Variants in RERG observed in about 807,000 individuals in gnomAD.
RERG encodes ras-related and estrogen-regulated growth inhibitor.
A neutral mutation model predicts 23.2 loss-of-function variants in RERG; 25 were observed. The ratio of observed to expected loss-of-function variants is 1.08; its 90% CI spans 0.79 to 1.50. RERG has a LOEUF of 1.50. RERG is among the 40% of genes most tolerant of loss of function. The pLI is 0.00. For synonymous variants in RERG, 81 were observed against 89.1 expected (o/e 0.91, Z 0.51); for missense variants, 253 against 250.1 (o/e 1.01, Z -0.08).
At chr12:15,145,776 C>T (rs190046794) in intron 2 of RERG, among the ~76,000 whole-genome samples, 3 of 152,256 alleles carry the variant, frequency 2.0e-5, no homozygotes, top group East Asian at 3.9e-4. Flanking sequence ...CTGAATTGGC[C>T]GTAAACCCAC....
chr12:15,140,129 A>C (rs1864211911), intron 2 of RERG, among the ~76,000 whole-genome samples: 2 of 152,164 alleles, frequency 1.3e-5, no homozygotes, highest in Admixed American at 1.3e-4. Context: ...TAATATATGA[A>C]AATCCTAACC....
intron 2 of RERG, among the ~76,000 whole-genome samples, chr12:15,175,367 GTGT>G (rs1864835755): frequency 1.3e-5 from 2 of 150,218 alleles, no homozygotes; most frequent in Non-Finnish European, 3.0e-5. Context: ...GTGTGTGTGT[GTGT>G]GTGTGTGTGT....
chr12:15,109,371 G>T lies in RERG; in HGVS notation c.339C>A (p.Leu113=), dbSNP rs150183934. The change falls in exon 5 of 5, where the codon CTC becomes CTA. Residue 113 remains leucine, a synonymous_variant. Transcript: ENST00000256953. ...AGTCAGCTTTGTTTCCAACCAAGATGAGAGTCACATTCTTGGGCTTTTTGA... is the reference window on the plus strand; with the variant it reads ...AGTCAGCTTTGTTTCCAACCAAGATTAGAGTCACATTCTTGGGCTTTTTGA... ...DEIKKPKNVT[L]ILVGNKADLD... The T allele has an allele frequency of 6.2e-7, 1 of 1,614,060 alleles. No individual in the cohort carries two copies. Among genetic ancestry groups the T allele is most frequent in the Non-Finnish European group, 8.5e-7 (1 of 1,180,008 alleles).
chr12:15,149,063 G>A (rs1026996559), intron 2 of RERG, among the ~76,000 whole-genome samples: 1 of 151,252 alleles, frequency 6.6e-6, no homozygotes, highest in African/African-American at 2.4e-5. Context: ...TAGAGACGGG[G>A]TTTCACTGTA....
At chr12:15,149,425 CCAGTGCTAGGCACTGGTGGGAG>C (rs1864400218) in intron 2 of RERG, among the ~76,000 whole-genome samples, 2 of 152,018 alleles carry the variant, frequency 1.3e-5, no homozygotes, top group African/African-American at 4.8e-5. Flanking sequence ...AAAGAAAACA[CCAGTGCTAGGCACTGGTGGGAG>C]GGGAGGTGGA....
chr12:15,124,651 A>G (rs1276181940), intron 2 of RERG, among the ~76,000 whole-genome samples: 1 of 152,070 alleles, frequency 6.6e-6, no homozygotes. Context: ...CCCCAGGCAT[A>G]CAGCTATTGC....
At chr12:15,166,465 A>G (rs889138375) in intron 2 of RERG, among the ~76,000 whole-genome samples, 1 of 151,672 alleles carries the variant, frequency 6.6e-6, no homozygotes, top group Non-Finnish European at 1.5e-5. Flanking sequence ...CTTCAGTCTC[A>G]TGATAATTGA....
chr12:15,136,516 C>T (rs1002835605), intron 2 of RERG, among the ~76,000 whole-genome samples: 1 of 151,850 alleles, frequency 6.6e-6, no homozygotes, highest in Non-Finnish European at 1.5e-5. Flanking sequence ...TCTTTATTCC[C>T]TTTTAATACA....
chr12:15,187,344 A>T (rs567401552), intron 2 of RERG, among the ~76,000 whole-genome samples: 117 of 152,226 alleles, frequency 7.7e-4, no homozygotes, highest in African/African-American at 2.7e-3. Context: ...TATTAATACA[A>T]ACTAAATGTG....
intron 2 of RERG, among the ~76,000 whole-genome samples, chr12:15,143,642 T>C (rs1864279216): frequency 1.3e-5 from 2 of 152,142 alleles, no homozygotes; most frequent in Non-Finnish European, 2.9e-5. Flanking sequence ...GTCCTAGAGA[T>C]GTAAACAGAT....
intron 2 of RERG, among the ~76,000 whole-genome samples, chr12:15,211,137 A>G (rs1865359992): frequency 6.6e-6 from 1 of 152,098 alleles, no homozygotes; most frequent in African/African-American, 2.4e-5. Flanking sequence ...TCTTACCTTG[A>G]TTAATGTTTT....
Position 15,176,248 on chromosome 12 carries a change from T to C in RERG, c.61+41181A>G, listed in dbSNP as rs573849521. Among the ~76,000 whole-genome samples, 5 of 152,314 alleles carry C rather than the reference T, an allele frequency of 3.3e-5. No individual in the cohort carries two copies. The East Asian group carries it at 9.6e-4, about 29-fold the overall frequency. ...TTCATCTTTATTTTCAACTGTTTTA[T>C]TTAGGCAATTGCATATTGTAGTTCA... On this transcript the variant is annotated intron_variant, in intron 2 of 4. Coordinates refer to ENST00000256953, the MANE Select transcript of RERG (RefSeq NM_032918.3).
intron 2 of RERG, among the ~76,000 whole-genome samples, chr12:15,195,566 T>C (rs1284141602): frequency 8.3e-6 from 1 of 120,298 alleles, no homozygotes; most frequent in Non-Finnish European, 1.8e-5. Context: ...TGTGTGTGTG[T>C]GTGTGTGTGT....
chr12:15,110,473 T>TTTTTTC (rs1591630469), intron 4 of RERG, among the ~76,000 whole-genome samples: 1 of 122,180 alleles, frequency 8.2e-6, no homozygotes, highest in East Asian at 2.3e-4. Context: ...CTTTTTTTTT[T>TTTTTTC]TTTTTTTTTT....
chr12:15,162,148 C>T (rs1217349669), intron 2 of RERG, among the ~76,000 whole-genome samples: 1 of 152,136 alleles, frequency 6.6e-6, no homozygotes, highest in Non-Finnish European at 1.5e-5. Context: ...AATACTTACA[C>T]AGAACAAGAG....
At chr12:15,117,915 G>A (rs1165156404) in intron 3 of RERG, among the ~76,000 whole-genome samples, 1 of 152,114 alleles carries the variant, frequency 6.6e-6, no homozygotes, top group African/African-American at 2.4e-5. Context: ...CACATCTTAT[G>A]AGCTTCAGTG....
At chr12:15,124,349 AT>A (rs1591636842) in intron 2 of RERG, among the ~76,000 whole-genome samples, 1 of 152,082 alleles carries the variant, frequency 6.6e-6, no homozygotes, top group East Asian at 1.9e-4. Context: ...TAAAATGAAA[AT>A]TAATTAGGTA....
intron 1 of RERG, among the ~76,000 whole-genome samples, chr12:15,218,505 A>ATGCC (rs901712498): frequency 6.6e-6 from 1 of 152,066 alleles, no homozygotes; most frequent in African/African-American, 2.4e-5. Context: ...TCCATATTCC[A>ATGCC]TGCCTGACTT....
chr12:15,212,249 C>T (rs936540848), intron 2 of RERG, among the ~76,000 whole-genome samples: 5 of 148,782 alleles, frequency 3.4e-5, no homozygotes, highest in Admixed American at 6.7e-5. Flanking sequence ...TTAGTAGAGA[C>T]GGGGTTTCAC....
Sources: gnomAD v4.1 joint callset for allele counts (sites outside exome capture counted in the v4.1 genomes callset) on GRCh38, gnomAD v4.1.1 for gene constraint, MANE v1.5 for transcripts, NCBI Gene and HGNC (gene_info 2026-07-23, HGNC 2026-07-21) for gene names.